Variants in MYO1B observed in about 807,000 individuals in gnomAD.
The protein encoded by MYO1B is unconventional myosin-Ib.
A neutral mutation model predicts 159.7 loss-of-function variants in MYO1B; 72 were observed. The ratio of observed to expected loss-of-function variants is 0.45; its 90% CI spans 0.37 to 0.55. The LOEUF (loss-of-function observed/expected upper bound fraction) is 0.55, where lower values mean the gene tolerates loss of function less well. Ranked by LOEUF, MYO1B falls within the 20% of genes least tolerant of loss-of-function variation. The pLI, the probability that MYO1B is intolerant of heterozygous loss-of-function variation, is 0.00. For synonymous variants in MYO1B, 468 were observed against 473.8 expected (o/e 0.99, Z 0.16); for missense variants, 1,062 against 1,364.8 (o/e 0.78, Z 3.50).
chr2:191,369,299 T>A (rs1694214155), intron 11 of MYO1B, among the ~76,000 whole-genome samples: 1 of 152,208 alleles, frequency 6.6e-6, no homozygotes, highest in African/African-American at 2.4e-5. Flanking sequence ...TAAATATCTT[T>A]GTGGTGAAAG....
intron 8 of MYO1B, among the ~76,000 whole-genome samples, chr2:191,361,857 G>A (rs1412155109): frequency 3.3e-5 from 5 of 151,926 alleles, no homozygotes; most frequent in African/African-American, 7.3e-5. Context: ...TTGGTATGAA[G>A]ACATTTATCA....
intron 1 of MYO1B, 147 bp from the exon 2 acceptor site, chr2:191,276,740 G>A (rs2125741377): frequency 1.1e-6 from 1 of 885,138 alleles, no homozygotes; most frequent in Non-Finnish European, 1.6e-6. Flanking sequence ...CTCCTGATGT[G>A]GTTCATAGGG....
intron 3 of MYO1B, among the ~76,000 whole-genome samples, chr2:191,323,087 A>G (rs753641681): frequency 6.6e-5 from 10 of 152,174 alleles, no homozygotes; most frequent in Non-Finnish European, 1.5e-4. Context: ...AGATGTTGCC[A>G]TAGCATTTGT....
At chr2:191,284,622 G>A (rs1688256105) in intron 2 of MYO1B, among the ~76,000 whole-genome samples, 1 of 151,960 alleles carries the variant, frequency 6.6e-6, no homozygotes, top group South Asian at 2.1e-4. Context: ...TTTTTTTGAG[G>A]TTTCAGACAT....
chr2:191,413,444 C>A (rs1697371691), intron 27 of MYO1B, among the ~76,000 whole-genome samples: 1 of 152,178 alleles, frequency 6.6e-6, no homozygotes, highest in Admixed American at 6.5e-5. Flanking sequence ...AACCCTAAGT[C>A]AAACCAAGTC....
chr2:191,411,373 G>A (rs1697239820), intron 27 of MYO1B, among the ~76,000 whole-genome samples: 1 of 152,164 alleles, frequency 6.6e-6, no homozygotes. Context: ...ATGAGGTTAC[G>A]ATTGTTGGTT....
chr2:191,326,815 T>TGCGCGC (rs1553542801), intron 3 of MYO1B, among the ~76,000 whole-genome samples: 5 of 143,984 alleles, frequency 3.5e-5, no homozygotes, highest in Middle Eastern at 3.6e-3. Context: ...TGTGTGTGTG[T>TGCGCGC]GCGCGCGCCA....
chr2:191,280,550 A>G (rs1687997612), intron 2 of MYO1B, among the ~76,000 whole-genome samples: 1 of 152,208 alleles, frequency 6.6e-6, no homozygotes, highest in South Asian at 2.1e-4. Context: ...ATTCCAAGTC[A>G]GAGTCCTGAG....
chr2:191,400,351 A>G, intron 21 of MYO1B, 31 bp from the exon 22 acceptor site: 1 of 1,610,268 alleles, frequency 6.2e-7, no homozygotes, highest in Non-Finnish European at 8.5e-7. Context: ...ATTTTTAAAC[A>G]TTCTCTCTTT....
chr2:191,271,135 T>A (rs1278017813), intron 1 of MYO1B, among the ~76,000 whole-genome samples: 5 of 152,216 alleles, frequency 3.3e-5, no homozygotes, highest in African/African-American at 1.2e-4. Flanking sequence ...AAAGGTGCTG[T>A]CATGCATACA....
At chr2:191,351,875 A>AC (rs1437210109) in intron 7 of MYO1B, among the ~76,000 whole-genome samples, 2 of 152,132 alleles carry the variant, frequency 1.3e-5, no homozygotes, top group Non-Finnish European at 2.9e-5. Context: ...ACAGAGTGAG[A>AC]CCCCATCTCA....
Position 191,414,118 on chromosome 2 carries a change from G to A in MYO1B, c.2944G>A (p.Ala982Thr). 6.2e-7 allele frequency: 1 copy of A among 1,613,198 alleles called. No individual in the cohort carries two copies. Among genetic ancestry groups the A allele is most frequent in the South Asian group, 1.1e-5 (1 of 90,884 alleles). Residue 982 changes from alanine (A) to threonine (T), a missense_variant, in exon 28 of 31, where the codon GCC becomes ACC. By Grantham distance (58) the Ala-to-Thr change is moderately conservative (BLOSUM62 0). Transcript: ENST00000392318. Reference sequence around the variant, plus strand: ...CCCCAAGTATAAGAAACTCAAAGATGCCATTGAAGAAAAGATCATCATTGC... The same window carrying A: ...CCCCAAGTATAAGAAACTCAAAGATACCATTGAAGAAAAGATCATCATTGC... ...KNPKYKKLKD[A>T]IEEKIIIAEV...
At position 191,359,618 on chromosome 2, in the gene MYO1B, G is replaced by C. The variant is rs1174409597; in HGVS notation, c.563-1013G>C. Among the ~76,000 whole-genome samples, 5 of 152,172 alleles carry C rather than the reference G, an allele frequency of 3.3e-5. No homozygotes were observed. In the East Asian group the frequency reaches 7.7e-4, roughly 23 times the overall value. ...AAACTCCTCCACAAATGCTGGTGTA[G>C]GTTCCAGAAATACAAATTAAAAAGT... is the stretch of plus-strand genomic sequence containing the variant. On this transcript the variant is annotated intron_variant, in intron 7 of 30. Transcript: ENST00000392318.
At chr2:191,423,423 G>A (rs1362078426) in intron 30 of MYO1B, among the ~76,000 whole-genome samples, 1 of 152,164 alleles carries the variant, frequency 6.6e-6, no homozygotes, top group Non-Finnish European at 1.5e-5. Context: ...GTATATGACT[G>A]ACAGTGAATT....
chr2:191,386,183 A>C (rs1172765168), intron 16 of MYO1B, 99 bp downstream of exon 16: 5 of 1,097,166 alleles, frequency 4.6e-6, no homozygotes, highest in Non-Finnish European at 6.7e-6. Flanking sequence ...TTAACTTGTG[A>C]GGACAAATTG....
chr2:191,336,561 C>T lies in MYO1B; in HGVS notation c.347-4900C>T, dbSNP rs543800030. 7.2e-5 allele frequency among the ~76,000 whole-genome samples: 11 copies of T among 152,254 alleles called. No homozygotes were observed. In the South Asian group the frequency reaches 2.1e-3, roughly 29 times the overall value. Reference sequence around the variant, plus strand: ...TACAGGCTTATTTCAATAAAAACATCACCAGTTGTGACTTCCCTTGTAACA... The same window carrying T: ...TACAGGCTTATTTCAATAAAAACATTACCAGTTGTGACTTCCCTTGTAACA... On this transcript the variant is annotated intron_variant, in intron 4 of 30. Transcript: ENST00000392318.
At chr2:191,265,973 T>C (rs1005567001) in intron 1 of MYO1B, among the ~76,000 whole-genome samples, 3 of 145,686 alleles carry the variant, frequency 2.1e-5, no homozygotes, top group African/African-American at 7.6e-5. Flanking sequence ...GTTGAGGGGG[T>C]GGAGAGGGAG....
At chr2:191,356,490 A>G (rs1693298615) in intron 7 of MYO1B, among the ~76,000 whole-genome samples, 1 of 152,158 alleles carries the variant, frequency 6.6e-6, no homozygotes, top group African/African-American at 2.4e-5. Flanking sequence ...GTGGCTTTAT[A>G]TGAAAGTAGA....
chr2:191,390,216 A>C, intron 17 of MYO1B, 76 bp from the exon 18 acceptor site: 2 of 1,366,670 alleles, frequency 1.5e-6, no homozygotes, highest in Non-Finnish European at 2.0e-6. Context: ...ACAGTTATAT[A>C]TAATACTTTG....
Sources: gnomAD v4.1 joint callset for allele counts (sites outside exome capture counted in the v4.1 genomes callset) on GRCh38, gnomAD v4.1.1 for gene constraint, MANE v1.5 for transcripts, NCBI Gene and HGNC (gene_info 2026-07-23, HGNC 2026-07-21) for gene names.